SEMA5A: variants seen among roughly 807,000 people sequenced by gnomAD.
SEMA5A encodes semaphorin-5A.
In SEMA5A, 55 loss-of-function variants were observed where a neutral mutation model predicts 135.5. The ratio of observed to expected loss-of-function variants is 0.41; its 90% CI spans 0.33 to 0.51. The LOEUF is 0.51. Ranked by LOEUF, SEMA5A falls within the 20% of genes least tolerant of loss-of-function variation. The probability of loss-of-function intolerance (pLI) is 0.37; values close to 1 mark genes in which losing one functional copy is unlikely to be tolerated. For synonymous variants in SEMA5A, 580 were observed against 546.5 expected (o/e 1.06, Z -0.85); for missense variants, 1,290 against 1,419.9 (o/e 0.91, Z 1.47).
chr5:9,095,244 C>G (rs1739252660), intron 16 of SEMA5A, among the ~76,000 whole-genome samples: 2 of 151,894 alleles, frequency 1.3e-5, no homozygotes, highest in South Asian at 4.2e-4. Context: ...TGAGGCCTGT[C>G]GGTGGGGGTC....
chr5:9,507,947 T>C (rs1359541556), intron 1 of SEMA5A, among the ~76,000 whole-genome samples: 4 of 149,240 alleles, frequency 2.7e-5, no homozygotes, highest in African/African-American at 9.9e-5. Context: ...TAGCTTGCAG[T>C]AAGCCAAGAT....
At chr5:9,234,718 C>T (rs141638505) in intron 6 of SEMA5A, among the ~76,000 whole-genome samples, 37 of 152,262 alleles carry the variant, frequency 2.4e-4, no homozygotes, top group African/African-American at 7.9e-4. Flanking sequence ...TTCACAAATG[C>T]GGTTTGAGTC....
At chr5:9,369,183 A>C (rs1217694402) in intron 3 of SEMA5A, among the ~76,000 whole-genome samples, 1 of 152,162 alleles carries the variant, frequency 6.6e-6, no homozygotes, top group East Asian at 1.9e-4. Context: ...TTAAGTTGTA[A>C]GACTTTATAT....
At chr5:9,389,636 T>C (rs1187916727) in intron 2 of SEMA5A, among the ~76,000 whole-genome samples, 2 of 152,126 alleles carry the variant, frequency 1.3e-5, no homozygotes, top group Non-Finnish European at 2.9e-5. Context: ...TTAGAACCCA[T>C]GCCCTCCTCT....
chr5:9,225,112 G>C (rs896629383), intron 7 of SEMA5A, among the ~76,000 whole-genome samples: 1 of 151,982 alleles, frequency 6.6e-6, no homozygotes, highest in Non-Finnish European at 1.5e-5. Context: ...TAGAGTTACT[G>C]AACCTTGTAC....
chr5:9,309,810 C>T (rs1752039650), intron 5 of SEMA5A, among the ~76,000 whole-genome samples: 1 of 114,244 alleles, frequency 8.8e-6, no homozygotes, highest in Admixed American at 9.0e-5. Flanking sequence ...ATAAATCTTC[C>T]AGAACGTTAT....
chr5:9,492,796 T>C (rs1579629520), intron 1 of SEMA5A, among the ~76,000 whole-genome samples: 1 of 152,092 alleles, frequency 6.6e-6, no homozygotes, highest in East Asian at 1.9e-4. Flanking sequence ...ATTCCAAATA[T>C]ATGACATTCT....
At chr5:9,442,679 C>T (rs954050834) in intron 1 of SEMA5A, among the ~76,000 whole-genome samples, 3 of 152,138 alleles carry the variant, frequency 2.0e-5, no homozygotes, top group African/African-American at 4.8e-5. Context: ...AATGGCCTAT[C>T]GCATTGGAAT....
chr5:9,386,027 C>T (rs1484661232), intron 2 of SEMA5A, among the ~76,000 whole-genome samples: 1 of 152,074 alleles, frequency 6.6e-6, no homozygotes, highest in Non-Finnish European at 1.5e-5. Flanking sequence ...GTCTTGAACT[C>T]ATGACCTCGT....
At position 9,390,588 on chromosome 5, in the gene SEMA5A, G is replaced by A. The variant is rs373909457; in HGVS notation, c.-77-10565C>T. Among the ~76,000 whole-genome samples, 10 of 152,028 alleles carry A rather than the reference G, an allele frequency of 6.6e-5. No individual in the cohort carries two copies. In the East Asian group the frequency reaches 9.6e-4, roughly 15 times the overall value. ...TCAGATTTTAGTCAGGAATAACACG[G>A]TGTATATCTGATGAAACCTTTTAAA... On this transcript the variant is annotated intron_variant, in intron 2 of 22. Coordinates refer to ENST00000382496, the MANE Select transcript of SEMA5A (RefSeq NM_003966.3).
chr5:9,066,900 A>G (rs1366366714), intron 16 of SEMA5A, among the ~76,000 whole-genome samples: 2 of 152,052 alleles, frequency 1.3e-5, no homozygotes, highest in Non-Finnish European at 1.5e-5. Flanking sequence ...AACAAACTTA[A>G]TTGCTTGTGG....
Position 9,346,506 on chromosome 5 carries a change from T to A in SEMA5A, c.125-8694A>T, listed in dbSNP as rs181816863. 2.0e-4 allele frequency among the ~76,000 whole-genome samples: 31 copies of A among 152,314 alleles called. No homozygotes were observed. In the East Asian group the frequency reaches 5.0e-3, roughly 25 times the overall value. ...GCTAAAAGAGCACTGTAATATGCCC[T>A]CTGGGGTTTCAGGGGTCACAGGTTC... On this transcript the variant is annotated intron_variant, in intron 3 of 22. Coordinates refer to ENST00000382496, the MANE Select transcript of SEMA5A (RefSeq NM_003966.3).
intron 8 of SEMA5A, among the ~76,000 whole-genome samples, chr5:9,211,735 G>A (rs1054655408): frequency 1.8e-4 from 28 of 152,160 alleles, no homozygotes; most frequent in Non-Finnish European, 1.5e-4. Context: ...ATCATTAGAA[G>A]GTTCATAGTT....
chr5:9,083,590 C>CCATT (rs1491380934), intron 16 of SEMA5A, among the ~76,000 whole-genome samples: 1 of 53,964 alleles, frequency 1.9e-5, no homozygotes, highest in African/African-American at 8.6e-5. Flanking sequence ...ATCCATTCAT[C>CCATT]CATCCATCCA....
At chr5:9,280,352 G>T (rs1000636374) in intron 5 of SEMA5A, among the ~76,000 whole-genome samples, 3 of 152,188 alleles carry the variant, frequency 2.0e-5, no homozygotes, top group Non-Finnish European at 4.4e-5. Context: ...AGGCAAAGAT[G>T]AAAGTGGGAA....
chr5:9,296,874 T>G (rs1751357779), intron 5 of SEMA5A, among the ~76,000 whole-genome samples: 1 of 140,466 alleles, frequency 7.1e-6, no homozygotes, highest in African/African-American at 2.7e-5. Context: ...TTCCTACAGG[T>G]GAGACATTAT....
intron 5 of SEMA5A, among the ~76,000 whole-genome samples, chr5:9,284,963 A>G (rs1304313818): frequency 6.6e-6 from 1 of 152,174 alleles, no homozygotes; most frequent in Non-Finnish European, 1.5e-5. Context: ...CCAGCCAGAT[A>G]AACTCTACCA....
chr5:9,266,701 C>G (rs1749699826), intron 5 of SEMA5A, among the ~76,000 whole-genome samples: 1 of 152,102 alleles, frequency 6.6e-6, no homozygotes, highest in Non-Finnish European at 1.5e-5. Flanking sequence ...CTTATTTATC[C>G]TACAGTAATA....
At chr5:9,392,179 C>T (rs554987447) in intron 2 of SEMA5A, among the ~76,000 whole-genome samples, 3 of 152,148 alleles carry the variant, frequency 2.0e-5, no homozygotes, top group African/African-American at 7.2e-5. Flanking sequence ...GGCTAAAGTA[C>T]CTCCCTTTTA....
Sources: gnomAD v4.1 joint callset for allele counts (sites outside exome capture counted in the v4.1 genomes callset) on GRCh38, gnomAD v4.1.1 for gene constraint, MANE v1.5 for transcripts, NCBI Gene and HGNC (gene_info 2026-07-23, HGNC 2026-07-21) for gene names.